ZNF362: variants seen among roughly 807,000 people sequenced by gnomAD.
ZNF362 encodes rotund homolog.
ZNF362 carries 11 observed loss-of-function variants against 42.9 expected under a neutral mutation model. The ratio of observed to expected loss-of-function variants is 0.26; its 90% confidence interval spans 0.16 to 0.42. The LOEUF (loss-of-function observed/expected upper bound fraction) is 0.42, where lower values mean the gene tolerates loss of function less well. Ranked by LOEUF, ZNF362 falls within the 20% of genes least tolerant of loss-of-function variation. The pLI is 1.00. For synonymous variants in ZNF362, 255 were observed against 257.3 expected (o/e 0.99, Z 0.09); for missense variants, 362 against 576.2 (o/e 0.63, Z 3.81).
chr1:33,268,644 G>A, intron 1 of ZNF362, among the ~76,000 whole-genome samples: 1 of 152,200 alleles, frequency 6.6e-6, no homozygotes, highest in East Asian at 1.9e-4. Context: ...GAATTCACTA[G>A]TGAAATGGGG....
the ZNF362 span, among the ~76,000 whole-genome samples, chr1:33,199,588 G>A: frequency 2.0e-5 from 3 of 152,140 alleles, no homozygotes; most frequent in East Asian, 3.8e-4. Context: ...GTAAAGAAAT[G>A]AAAAGTACTG....
the ZNF362 span, among the ~76,000 whole-genome samples, chr1:33,243,763 ATT>A: frequency 1.3e-3 from 159 of 124,054 alleles, no homozygotes; most frequent in African/African-American, 4.1e-3. Flanking sequence ...CAACTGGCCA[ATT>A]TTTTTTTTTT....
chr1:33,191,937 G>T, the ZNF362 span, among the ~76,000 whole-genome samples: 1 of 152,234 alleles, frequency 6.6e-6, no homozygotes, highest in African/African-American at 2.4e-5. Flanking sequence ...CAAGGCATCT[G>T]CCTTAGGGGA....
intron 6 of ZNF362, among the ~76,000 whole-genome samples, chr1:33,287,343 C>T (rs757644232): frequency 1.3e-4 from 20 of 152,208 alleles, no homozygotes; most frequent in Non-Finnish European, 2.4e-4. Context: ...AAAAGTTAGC[C>T]GAGTGTGGTA....
At chr1:33,256,907 TGTGTGC>T (rs1645796375) in intron 1 of ZNF362, among the ~76,000 whole-genome samples, 1 of 149,578 alleles carries the variant, frequency 6.7e-6, no homozygotes, top group South Asian at 2.1e-4. Flanking sequence ...TCTCCGAGTG[TGTGTGC>T]GTGTGTGTGT....
chr1:33,297,674 C>G (rs4653398), intron 8 of ZNF362, among the ~76,000 whole-genome samples: 152,007 of 152,300 alleles, frequency 1, 75,857 homozygotes, highest in Non-Finnish European at 1. Context: ...ACTATGGCCA[C>G]CTAATGTTTT....
chr1:33,206,478 A>T, the ZNF362 span, among the ~76,000 whole-genome samples: 1 of 152,202 alleles, frequency 6.6e-6, no homozygotes, highest in African/African-American at 2.4e-5. Context: ...ATGAACCTGT[A>T]GTCTCAGTTA....
In ZNF362 at chr1:33,276,333, CTCT is replaced by C; in HGVS notation, c.103-9_103-7del. 6.5e-7 allele frequency: 1 copy of C among 1,546,936 alleles called. No homozygotes were observed. Among genetic ancestry groups the C allele is most frequent in the East Asian group, 2.4e-5 (1 of 41,006 alleles). On this transcript the variant is annotated splice_polypyrimidine_tract_variant and intron_variant, in intron 3 of 8. Coordinates refer to ENST00000539719, the MANE Select transcript of ZNF362 (RefSeq NM_152493.3). ...GTGGTCCAGACCTCCTCAGCCCGTC[CTCT>C]TCTTCCCGCAGCTGGACAACCTGGT...
At chr1:33,232,235 A>G in the ZNF362 span, among the ~76,000 whole-genome samples, 2 of 151,880 alleles carry the variant, frequency 1.3e-5, no homozygotes, top group African/African-American at 4.8e-5. Flanking sequence ...TACAGAAAAG[A>G]TTTTCTTCCT....
chr1:33,150,111 A>G, the ZNF362 span, among the ~76,000 whole-genome samples: 1 of 152,254 alleles, frequency 6.6e-6, no homozygotes, highest in Non-Finnish European at 1.5e-5. Context: ...CCAGAGGAGA[A>G]GGAGGAAACT....
At chr1:33,137,378 G>C in the ZNF362 span, among the ~76,000 whole-genome samples, 1 of 152,134 alleles carries the variant, frequency 6.6e-6, no homozygotes, top group Non-Finnish European at 1.5e-5. Context: ...GATTAAATGA[G>C]AGGACAGCCC....
In ZNF362 at chr1:33,276,306, A is replaced by T. The variant is rs768129415; in HGVS notation, c.103-42A>T. Reference sequence around the variant, plus strand: ...CCAGCGGGCCTGGGCAAGGGGCGGGAGGTGGTCCAGACCTCCTCAGCCCGT... The same window carrying T: ...CCAGCGGGCCTGGGCAAGGGGCGGGTGGTGGTCCAGACCTCCTCAGCCCGT... On this transcript the variant is annotated intron_variant, in intron 3 of 8. Transcript: ENST00000539719. 4.5e-6 allele frequency: 7 copies of T among 1,538,812 alleles called. No homozygotes were observed. The South Asian group carries it at 7.2e-5, about 16-fold the overall frequency.
chr1:33,149,535 G>A, the ZNF362 span, among the ~76,000 whole-genome samples: 1 of 152,080 alleles, frequency 6.6e-6, no homozygotes, highest in African/African-American at 2.4e-5. Context: ...GCTCATTGGA[G>A]CCTCCAACTC....
In ZNF362 at chr1:33,295,043, C is replaced by G. The variant is rs770999818; in HGVS notation, c.987+28C>G. ...GAGTGCCTGCCTGCCTCCTGCCCAC[C>G]AGGTGCTCTGGTGCCCCCCCACCCA... is the stretch of plus-strand genomic sequence containing the variant. On this transcript the variant is annotated intron_variant, in intron 7 of 8. Coordinates refer to ENST00000539719, the MANE Select transcript of ZNF362 (RefSeq NM_152493.3). The G allele has an allele frequency of 6.2e-6, 10 of 1,613,630 alleles. No homozygotes were observed. The African/African-American group carries it at 1.1e-4, about 17-fold the overall frequency.
intron 6 of ZNF362, among the ~76,000 whole-genome samples, chr1:33,285,591 T>G (rs1013076224): frequency 2.6e-4 from 40 of 152,206 alleles, no homozygotes; most frequent in Non-Finnish European, 5.1e-4. Context: ...TAGATTAGGT[T>G]TTTTTGGTCC....
At chr1:33,165,171 G>C in the ZNF362 span, 1 of 266,336 alleles carries the variant, frequency 3.8e-6, no homozygotes, top group Non-Finnish European at 7.2e-6. This position sits in a 1 kb window ranked among gnomAD's most constrained non-coding sequence, Gnocchi z 4.0. Flanking sequence ...GTTTCCGGAG[G>C]GTCCCGGGAC....
the ZNF362 span, among the ~76,000 whole-genome samples, chr1:33,151,978 T>C: frequency 3.4e-3 from 511 of 152,350 alleles, 13 homozygotes; most frequent in East Asian, 0.056. Flanking sequence ...CTGTAAGCGT[T>C]TTCCTCTGGC....
the ZNF362 span, chr1:33,146,715 G>A: frequency 1.6e-5 from 3 of 187,100 alleles, no homozygotes; most frequent in South Asian, 3.4e-4. Context: ...GTGGACTGGG[G>A]TCAAGGGTAA....
intron 6 of ZNF362, among the ~76,000 whole-genome samples, chr1:33,284,811 C>G (rs1278810469): frequency 6.6e-6 from 1 of 152,154 alleles, no homozygotes; most frequent in Non-Finnish European, 1.5e-5. Context: ...GGGAAAAATT[C>G]CTGTTCCTCT....
Sources: allele counts gnomAD v4.1 joint callset (sites outside exome capture counted in the v4.1 genomes callset), GRCh38; gene constraint gnomAD v4.1.1; non-coding constraint Gnocchi (gnomAD v3.1); transcripts MANE v1.5; gene names NCBI Gene and HGNC (gene_info 2026-07-23, HGNC 2026-07-21).